The following SLC45A2 variants were observed in gnomAD, a reference collection of about 807,000 sequenced individuals.
SLC45A2 encodes membrane-associated transporter protein.
In SLC45A2, 36 loss-of-function variants were observed where a neutral mutation model predicts 45.5. The ratio of observed to expected loss-of-function variants is 0.79; its 90% CI spans 0.61 to 1.04. The LOEUF (loss-of-function observed/expected upper bound fraction) is 1.04. Among genes scored for constraint, SLC45A2 ranks in the 50% least tolerant of loss-of-function variants. SLC45A2 has a pLI of 0.00. For missense variants in SLC45A2, 719 were observed against 671.0 expected (o/e 1.07, Z -0.79); for synonymous variants, 306 against 269.3 (o/e 1.14, Z -1.33).
chr5:33,947,127 G>C (rs886092299), intron 6 of SLC45A2, 36 bp downstream of exon 6: 6 of 1,614,052 alleles, frequency 3.7e-6, no homozygotes, highest in Non-Finnish European at 5.1e-6. Context: ...GATGAGTCTG[G>C]ATGTTACCCA....
chr5:33,949,137 G>A (rs1752024051), intron 5 of SLC45A2, among the ~76,000 whole-genome samples: 1 of 152,204 alleles, frequency 6.6e-6, no homozygotes, highest in South Asian at 2.1e-4. Context: ...TGTACCTGCT[G>A]TATACAAAAG....
Position 33,982,414 on chromosome 5 carries a change from T to C in SLC45A2, c.386-2A>G. On this transcript the variant is annotated splice_acceptor_variant, in intron 1 of 6. Transcript: ENST00000296589. LOFTEE classifies it high-confidence loss of function. ...TCCTCCTTGGGTTAGCAATCAAAGC[T>C]AAAAGAAAAATAAACATTGGTCTCC... 1 of 1,613,874 alleles carries C rather than the reference T, an allele frequency of 6.2e-7. No individual in the cohort carries two copies.
At chr5:33,980,962 C>A (rs892966379) in intron 2 of SLC45A2, among the ~76,000 whole-genome samples, 1 of 152,176 alleles carries the variant, frequency 6.6e-6, no homozygotes, top group East Asian at 1.9e-4. Flanking sequence ...TCATGCCAAA[C>A]CCTGGGGCAG....
At chr5:33,951,047 C>T (rs947453109) in intron 5 of SLC45A2, among the ~76,000 whole-genome samples, 2 of 152,142 alleles carry the variant, frequency 1.3e-5, no homozygotes, top group African/African-American at 4.8e-5. Context: ...AAAGCTGGCA[C>T]CTGGGAAGGA....
intron 5 of SLC45A2, among the ~76,000 whole-genome samples, chr5:33,949,538 A>G (rs1752036848): frequency 6.6e-6 from 1 of 152,226 alleles, no homozygotes; most frequent in Non-Finnish European, 1.5e-5. Context: ...GAAAAAGGGC[A>G]AAGTATGAAC....
In SLC45A2 at chr5:33,984,607, T is replaced by C. The variant is rs1399481057; in HGVS notation, c.-24A>G. Reference sequence around the variant, plus strand: ...ATGGCCACTGGGAGAGGAACCTTCCTGCGAGCCCACCACCTCCTGCGTGGT... The same window carrying C: ...ATGGCCACTGGGAGAGGAACCTTCCCGCGAGCCCACCACCTCCTGCGTGGT... On this transcript the variant is annotated 5_prime_UTR_variant, in exon 1 of 7. Coordinates refer to ENST00000296589, the MANE Select transcript of SLC45A2 (RefSeq NM_016180.5). 6.2e-7 allele frequency: 1 copy of C among 1,605,974 alleles called. No homozygotes were observed. Among genetic ancestry groups the C allele is most frequent in the South Asian group, 1.1e-5 (1 of 91,042 alleles).
intron 3 of SLC45A2, among the ~76,000 whole-genome samples, chr5:33,960,772 TA>T (rs548375884): frequency 6.6e-6 from 1 of 151,930 alleles, no homozygotes; most frequent in Admixed American, 6.5e-5. Context: ...ACATTTTTTT[TA>T]AAAAAAGGGC....
At chr5:33,978,550 T>A (rs1485867286) in intron 2 of SLC45A2, among the ~76,000 whole-genome samples, 2 of 152,222 alleles carry the variant, frequency 1.3e-5, no homozygotes, top group Non-Finnish European at 2.9e-5. Context: ...ACAATCCTCC[T>A]TAACTCAAGC....
chr5:33,951,956 A>C lies in SLC45A2; in HGVS notation c.1033-279T>G, dbSNP rs1364038. On this transcript the variant is annotated intron_variant, in intron 4 of 6. Coordinates refer to ENST00000296589, the MANE Select transcript of SLC45A2 (RefSeq NM_016180.5). ...CACAGCTGGCCCCACCTGACTTAGG[A>C]AATCCCACCACTCATCTTCTGCTAC... Among the ~76,000 whole-genome samples the C allele has an allele frequency of 0.94, 142,785 of 152,170 alleles. 67,518 individuals are homozygous for C. The highest frequency in any genetic ancestry group is 0.99 in the Non-Finnish European group (67,463 of 68,028).
rs78023399 is a variant in SLC45A2 at position 33,983,376 on chromosome 5, G to T, written c.385+823C>A. ...AATTAAATGAACAATAAGTCTACCC[G>T]CCACTTCTCACCTCCTGTCCTTCAG... On this transcript the variant is annotated intron_variant, in intron 1 of 6. Coordinates refer to ENST00000296589, the MANE Select transcript of SLC45A2 (RefSeq NM_016180.5). Among the ~76,000 whole-genome samples the T allele has an allele frequency of 4.6e-3, 696 of 152,196 alleles. 4 individuals carry two copies. Among genetic ancestry groups the T allele is most frequent in the African/African-American group, 0.016 (646 of 41,526 alleles).
chr5:33,963,939 C>A lies in SLC45A2; in HGVS notation c.640G>T (p.Glu214Ter). Residue 214 changes from glutamate to a stop codon, truncating the protein, a stop_gained, in exon 3 of 7, where the codon GAA becomes TAA. Transcript: ENST00000296589. LOFTEE classifies it high-confidence loss of function. ...GAGAAGAAGAACATGACCTGGAATT[C>A]TGTACCCAACAGTCTTCCCAGCTCC... is the stretch of plus-strand genomic sequence containing the variant. The part of the protein sequence containing the change: ...HLELGRLLGT[E>*]FQVMFFFSAL... 1 of 1,614,160 alleles carries A rather than the reference C, an allele frequency of 6.2e-7. No homozygotes were observed. The highest frequency in any genetic ancestry group is 8.5e-7 in the Non-Finnish European group (1 of 1,180,028).
chr5:33,970,260 A>T (rs1752740138), intron 2 of SLC45A2, among the ~76,000 whole-genome samples: 1 of 152,186 alleles, frequency 6.6e-6, no homozygotes, highest in African/African-American at 2.4e-5. Flanking sequence ...GAAGACAGAA[A>T]CAGCTGGGGT....
intron 6 of SLC45A2, chr5:33,946,261 A>G: frequency 1.0e-6 from 1 of 985,434 alleles, no homozygotes; most frequent in Non-Finnish European, 1.2e-6. Context: ...GAGGAAAGCC[A>G]CACCTCTTTT....
At chr5:33,982,169 A>G in intron 2 of SLC45A2, 67 bp downstream of exon 2, 1 of 1,573,270 alleles carries the variant, frequency 6.4e-7, no homozygotes, top group East Asian at 2.2e-5. Context: ...GAGACACTGG[A>G]TGGCTTTAGT....
chr5:33,969,558 A>G (rs1382050900), intron 2 of SLC45A2, among the ~76,000 whole-genome samples: 1 of 152,192 alleles, frequency 6.6e-6, no homozygotes, highest in Non-Finnish European at 1.5e-5. Flanking sequence ...GAGCAGAGAA[A>G]TAAGAATGGT....
intron 5 of SLC45A2, among the ~76,000 whole-genome samples, chr5:33,948,370 C>T (rs1432665066): frequency 1.3e-5 from 2 of 152,182 alleles, no homozygotes; most frequent in Admixed American, 6.5e-5. Flanking sequence ...TTCCCTCAGT[C>T]GTTTTTAATC....
At position 33,984,322 on chromosome 5, in the gene SLC45A2, C is replaced by T; in HGVS notation, c.262G>A (p.Val88Ile). The change falls in exon 1 of 7, where the codon GTC (valine) becomes ATC (isoleucine). Residue 88 changes from valine (V) to isoleucine (I), a missense_variant. Transcript: ENST00000296589. The part of the protein sequence containing the change: ...PILGFLLQPV[V>I]GSASDHCRSR... The stretch of plus-strand genomic sequence containing the variant: ...CGGCAGTGGTCGCTGGCCGATCCGA[C>T]CACGGGCTGCAGCAGGAATCCCAGG... The T allele has an allele frequency of 2.5e-6, 4 of 1,614,120 alleles. No individual in the cohort carries two copies. The highest frequency in any genetic ancestry group is 3.4e-6 in the Non-Finnish European group (4 of 1,180,016).
At position 33,984,369 on chromosome 5, in the gene SLC45A2, A is replaced by G. The variant is rs761373523; in HGVS notation, c.215T>C (p.Ile72Thr). 5.6e-6 allele frequency: 9 copies of G among 1,613,848 alleles called. No individual in the cohort carries two copies. Among genetic ancestry groups the G allele is most frequent in the South Asian group, 2.2e-5 (2 of 91,066 alleles). Residue 72 changes from isoleucine to threonine, a missense_variant, in exon 1 of 7, where the codon ATT (isoleucine) becomes ACT (threonine). By Grantham distance (89) the Ile-to-Thr change is moderately conservative. Coordinates refer to ENST00000296589, the MANE Select transcript of SLC45A2 (RefSeq NM_016180.5). ...CAGGATGGGGCTGAGGAACCACACA[A>G]TGCTGTACAGGCTGCTGGGCAGACC... ...SVGLPSSLYS[I>T]VWFLSPILGF...
At chr5:33,972,064 T>A (rs757142613) in intron 2 of SLC45A2, 2 of 493,574 alleles carry the variant, frequency 4.1e-6, no homozygotes, top group Non-Finnish European at 8.3e-6. Context: ...TCTTAAAGGT[T>A]GTATCTAGTT....
Sources: gnomAD v4.1 joint callset for allele counts (sites outside exome capture counted in the v4.1 genomes callset) on GRCh38, gnomAD v4.1.1 for gene constraint, MANE v1.5 for transcripts, NCBI Gene and HGNC (gene_info 2026-07-23, HGNC 2026-07-21) for gene names.